Variants in STAT5B observed in about 807,000 individuals in gnomAD.
STAT5B encodes transcription factor STAT5B.
A neutral mutation model predicts 107.8 loss-of-function variants in STAT5B; 21 were observed. That is an observed-to-expected ratio of 0.19 (90% CI 0.14 to 0.28). The LOEUF (loss-of-function observed/expected upper bound fraction) is 0.28. STAT5B is among the 10% of genes least tolerant of loss of function. The pLI, the probability that STAT5B is intolerant of heterozygous loss-of-function variation, is 1.00. For synonymous variants in STAT5B, 325 were observed against 401.7 expected, an observed-to-expected ratio of 0.81 and a Z score of 2.28; for missense variants, 565 against 1,008.2, an observed-to-expected ratio of 0.56 and a Z score of 5.95.
At chr17:42,260,136 TTA>T (rs2080582342) in intron 1 of STAT5B, among the ~76,000 whole-genome samples, 1 of 152,216 alleles carries the variant, frequency 6.6e-6, no homozygotes, top group African/African-American at 2.4e-5. Context: ...ATTGCAAATT[TTA>T]TCTCATTTGA....
At chr17:42,264,651 A>G (rs1293153700) in intron 1 of STAT5B, among the ~76,000 whole-genome samples, 2 of 151,960 alleles carry the variant, frequency 1.3e-5, no homozygotes, top group Non-Finnish European at 1.5e-5. Context: ...TATTGTGAAT[A>G]CTGCCGCAAT....
chr17:42,280,911 G>C (rs2080792736), upstream of STAT5B, among the ~76,000 whole-genome samples: 1 of 152,140 alleles, frequency 6.6e-6, no homozygotes, highest in East Asian at 1.9e-4. Flanking sequence ...GAGGCGGGTG[G>C]GTCAGGAGGT....
At chr17:42,212,585 G>A (rs1266116964) in intron 12 of STAT5B, among the ~76,000 whole-genome samples, 9 of 152,210 alleles carry the variant, frequency 5.9e-5, no homozygotes, top group South Asian at 2.1e-4. Flanking sequence ...GTGTGCACAC[G>A]TGTCGGCATG....
intron 1 of STAT5B, among the ~76,000 whole-genome samples, chr17:42,265,402 C>T (rs148717772): frequency 0.054 from 4,435 of 82,206 alleles, 321 homozygotes; most frequent in African/African-American, 0.22. Flanking sequence ...GACGAAGTCT[C>T]GCTCTGTCAC....
Position 42,262,970 on chromosome 17 carries a change from GTATATATATATATATATATATA to G in STAT5B, c.-11+13256_-11+13277del, listed in dbSNP as rs869160306. On this transcript the variant is annotated intron_variant, in intron 1 of 18. Transcript: ENST00000293328. ...TGTGTGTGTGTGTGTGTGTGTGTGT[GTATATATATATATATATATATA>G]TATATATATATATATATATATATAA... Among the ~76,000 whole-genome samples, 154 of 20,952 alleles carry G rather than the reference GTATATATATATATATATATATA, an allele frequency of 7.4e-3. 3 individuals carry two copies. The highest frequency in any genetic ancestry group is 0.011 in the Non-Finnish European group (132 of 12,016). The allele number at this position is 20,952 out of a possible 152,430, so 13.7% of individuals were successfully genotyped here.
rs1174572231 is a variant in STAT5B, at chr17:42,218,137, A to C, written c.1169+14T>G. Reference sequence around the variant, plus strand: ...AGACAAGTAGCAGGGAATGAGAGGAAGCTGCACAATTACTTGCGGGTGTTC... The same window carrying C: ...AGACAAGTAGCAGGGAATGAGAGGACGCTGCACAATTACTTGCGGGTGTTC... On this transcript the variant is annotated intron_variant, in intron 9 of 18. Transcript: ENST00000293328. 2 of 1,612,894 alleles carry C rather than the reference A, an allele frequency of 1.2e-6. No individual in the cohort carries two copies. The highest frequency in any genetic ancestry group is 1.3e-5 in the African/African-American group (1 of 74,894).
intron 5 of STAT5B, among the ~76,000 whole-genome samples, chr17:42,221,297 G>A (rs1862123447): frequency 6.6e-6 from 1 of 151,240 alleles, no homozygotes; most frequent in Non-Finnish European, 1.5e-5. Flanking sequence ...CCCAACACCT[G>A]GGCCCAGCCT....
In STAT5B at chr17:42,224,761, T is replaced by A. The variant is rs2080258946; in HGVS notation, c.375+18A>T. The A allele has an allele frequency of 1.2e-6, 2 of 1,613,148 alleles. No homozygotes were observed. Among genetic ancestry groups the A allele is most frequent in the Admixed American group, 3.3e-5 (2 of 59,960 alleles). On this transcript the variant is annotated intron_variant, in intron 4 of 18. Coordinates refer to ENST00000293328, the MANE Select transcript of STAT5B (RefSeq NM_012448.4). ...AAAGACTTCCCGACTGCCCTCCCCA[T>A]CCCTATGGGACACTCACATTGTTGG...
intron 12 of STAT5B, among the ~76,000 whole-genome samples, chr17:42,213,888 T>A (rs960055562): frequency 1.0e-4 from 15 of 143,644 alleles, no homozygotes; most frequent in African/African-American, 3.5e-4. Context: ...ATGCCTATAA[T>A]CCCAGCACTT....
chr17:42,218,305 G>A lies in STAT5B; in HGVS notation c.1015C>T (p.Pro339Ser), dbSNP rs983871904. The change falls in exon 9 of 19, where the codon CCT (proline) becomes TCT (serine). Residue 339 changes from proline to serine, a missense_variant. Pro to Ser is a moderately conservative substitution (Grantham distance 74, BLOSUM62 -1). Transcript: ENST00000293328. ...TSTFIIEKQP[P>S]QVLKTQTKFA... ...TTGGTCTGGGTCTTCAGGACCTGAG[G>A]AGGCTGCTTCTCAATGATGAACGTG... The A allele has an allele frequency of 6.2e-7, 1 of 1,613,906 alleles. No homozygotes were observed.
intron 16 of STAT5B, among the ~76,000 whole-genome samples, chr17:42,207,047 A>G (rs2080091183): frequency 6.6e-6 from 1 of 150,908 alleles, no homozygotes; most frequent in South Asian, 2.1e-4. Flanking sequence ...TAATTTTTGT[A>G]TTTTTTGTAG....
chr17:42,249,263 C>T (rs1424820691), intron 1 of STAT5B, among the ~76,000 whole-genome samples: 2 of 151,926 alleles, frequency 1.3e-5, no homozygotes, highest in African/African-American at 4.8e-5. Context: ...TGTGGTGGCG[C>T]GTGACTGTAA....
rs1484467931 is a variant in STAT5B at position 42,218,789 on chromosome 17, G to A, written c.923C>T (p.Pro308Leu). The A allele has an allele frequency of 3.7e-6, 6 of 1,612,922 alleles. No individual in the cohort carries two copies. The highest frequency in any genetic ancestry group is 5.1e-6 in the Non-Finnish European group (6 of 1,179,524). Residue 308 changes from proline to leucine, a missense_variant, in exon 8 of 19, where the codon CCA becomes CTA. Coordinates refer to ENST00000293328, the MANE Select transcript of STAT5B (RefSeq NM_012448.4). ...GACCTCGGCCAGCATCTCCTCCACT[G>A]GGCCGGGGATGGGCAGCTGCTGGCA... ...HLCQQLPIPGPVEEMLAEVNA... is the reference protein window; with the variant it reads ...HLCQQLPIPGLVEEMLAEVNA...
At chr17:42,269,111 T>C (rs563146705) in intron 1 of STAT5B, among the ~76,000 whole-genome samples, 1 of 152,322 alleles carries the variant, frequency 6.6e-6, no homozygotes, top group Admixed American at 6.5e-5. Flanking sequence ...TCTCGCTCCG[T>C]CTCCCAGGCT....
intron 1 of STAT5B, chr17:42,275,221 C>A (rs2080754895): frequency 6.6e-6 from 1 of 152,218 alleles, no homozygotes; most frequent in South Asian, 2.1e-4. Flanking sequence ...GGGTTCCTTT[C>A]CAGCTCTAAC....
rs755543502 is a variant in STAT5B at position 42,227,675 on chromosome 17, C to T, written c.139G>A (p.Asp47Asn). The T allele has an allele frequency of 1.2e-6, 2 of 1,614,110 alleles. No homozygotes were observed. The highest frequency in any genetic ancestry group is 1.7e-5 in the Admixed American group (1 of 60,022). ...WIESQAWDSVDLDNPQENIKA... is the reference protein window; with the variant it reads ...WIESQAWDSVNLDNPQENIKA... ...ATGTTCTCCTGTGGATTATCAAGAT[C>T]TACTGAGTCCCTAGGGGAAAAAAAT... Residue 47 changes from aspartate (D) to asparagine (N), a missense_variant, in exon 3 of 19, where the codon GAT (aspartate) becomes AAT (asparagine). Coordinates refer to ENST00000293328, the MANE Select transcript of STAT5B (RefSeq NM_012448.4).
At chr17:42,224,985 TCCAATACCAAC>T in intron 3 of STAT5B, 117 bp from the exon 4 acceptor site, 1 of 929,300 alleles carries the variant, frequency 1.1e-6, no homozygotes, top group Non-Finnish European at 1.7e-6. Flanking sequence ...GCACTGTTCC[TCCAATACCAAC>T]AGGAACAAGA....
intron 16 of STAT5B, among the ~76,000 whole-genome samples, chr17:42,206,749 A>G (rs2080088404): frequency 6.7e-6 from 1 of 149,348 alleles, no homozygotes; most frequent in Non-Finnish European, 1.5e-5. Flanking sequence ...CTAATTTTGT[A>G]TTTTCAGTAG....
chr17:42,230,864 G>A (rs1032850637), intron 2 of STAT5B, among the ~76,000 whole-genome samples: 5 of 152,020 alleles, frequency 3.3e-5, no homozygotes, highest in Non-Finnish European at 5.9e-5. Flanking sequence ...ATTTTGCCAT[G>A]TTGGCCAGGC....
Sources: allele counts gnomAD v4.1 joint callset (sites outside exome capture counted in the v4.1 genomes callset), GRCh38; gene constraint gnomAD v4.1.1; transcripts MANE v1.5; gene names NCBI Gene and HGNC (gene_info 2026-07-23, HGNC 2026-07-21).